The following ABR variants were observed in gnomAD, a reference collection of about 807,000 sequenced individuals.
ABR encodes ABR activator of RhoGEF and GTPase.
Under a neutral mutation model 107.2 loss-of-function variants are expected in ABR, and 35 were observed. That is an observed-to-expected ratio of 0.33 (90% CI 0.25 to 0.43). The LOEUF is 0.43. Among genes scored for constraint, ABR ranks in the 20% least tolerant of loss-of-function variants. The pLI, the probability that ABR is intolerant of heterozygous loss-of-function variation, is 1.00. For synonymous variants in ABR, 498 were observed against 462.0 expected (o/e 1.08, Z -1.00); for missense variants, 815 against 1,115.2 (o/e 0.73, Z 3.83).
At chr17:1,167,200 C>G (rs2041546974) in intron 1 of ABR, among the ~76,000 whole-genome samples, 1 of 151,946 alleles carries the variant, frequency 6.6e-6, no homozygotes, top group East Asian at 1.9e-4. Context: ...CTCCAGTATC[C>G]CCTTCTGATG....
At position 1,125,467 on chromosome 17, in the gene ABR, C is replaced by T. The variant is rs2039554013; in HGVS notation, c.62-100G>A. 7.0e-6 allele frequency: 10 copies of T among 1,422,166 alleles called. No individual in the cohort carries two copies. The East Asian group carries it at 2.3e-4, about 32-fold the overall frequency. The allele number at this position is 1,422,166 out of a possible 1,614,324, so 88.1% of individuals were successfully genotyped here. ...CGGCGGCGGCCCCCGGCAGCCATGG[C>T]CCCGGCCGCACCATCCACGCCTGGC... On this transcript the variant is annotated intron_variant, in intron 1 of 22. Transcript: ENST00000302538.
At chr17:1,130,372 C>G (rs1292105082) in intron 1 of ABR, among the ~76,000 whole-genome samples, 1 of 151,838 alleles carries the variant, frequency 6.6e-6, no homozygotes, top group Admixed American at 6.6e-5. Context: ...TGTGAGGCAT[C>G]CCCGCTCCTC....
intron 1 of ABR, among the ~76,000 whole-genome samples, chr17:1,221,705 G>A (rs1006313238): frequency 2.0e-5 from 3 of 152,136 alleles, no homozygotes; most frequent in African/African-American, 7.2e-5. Context: ...GAAAGGGCAC[G>A]GGAAAAGACG....
intron 1 of ABR, among the ~76,000 whole-genome samples, chr17:1,227,282 G>A (rs1350983171): frequency 6.6e-6 from 1 of 152,168 alleles, no homozygotes; most frequent in Non-Finnish European, 1.5e-5. Context: ...TGGGCACCCC[G>A]GGGAGGGTGA....
chr17:1,216,222 A>G (rs2043006460), intron 1 of ABR, among the ~76,000 whole-genome samples: 1 of 152,136 alleles, frequency 6.6e-6, no homozygotes, highest in African/African-American at 2.4e-5. Context: ...AGAACTTACT[A>G]TGTGCCAGGC....
At chr17:1,174,602 G>A (rs191875426) in intron 1 of ABR, among the ~76,000 whole-genome samples, 94 of 152,326 alleles carry the variant, frequency 6.2e-4, no homozygotes, top group Admixed American at 1.2e-3. Flanking sequence ...GAATGAAATC[G>A]CCCTTGGAAA....
intron 16 of ABR, among the ~76,000 whole-genome samples, chr17:1,044,667 C>T (rs1352255295): frequency 6.6e-6 from 1 of 151,514 alleles, no homozygotes; most frequent in Non-Finnish European, 1.5e-5. Context: ...AAAAAAAATA[C>T]CTCTTCCGGC....
rs2036406071 is a variant in ABR at position 1,083,602 on chromosome 17, G to A, written c.557C>T (p.Ala186Val). 2.5e-6 allele frequency: 4 copies of A among 1,613,802 alleles called. No individual in the cohort carries two copies. Among genetic ancestry groups the A allele is most frequent in the African/African-American group, 1.3e-5 (1 of 74,862 alleles). ...AGCGACTTTATAGTTATCGACAAACGCTTTGTACACACCGAGCTGGCTGGC... is the reference window on the plus strand; with the variant it reads ...AGCGACTTTATAGTTATCGACAAACACTTTGTACACACCGAGCTGGCTGGC... ...KLASQLGVYK[A>V]FVDNYKVALE... Residue 186 changes from alanine to valine, a missense_variant, in exon 5 of 23, where the codon GCG becomes GTG. Coordinates refer to ENST00000302538, the MANE Select transcript of ABR (RefSeq NM_021962.5).
chr17:1,034,716 C>T (rs2073039073), intron 16 of ABR, among the ~76,000 whole-genome samples: 1 of 152,136 alleles, frequency 6.6e-6, no homozygotes. Flanking sequence ...ATTATAACTG[C>T]TCTCCACGTT....
Position 1,010,126 on chromosome 17 carries a change from C to T in ABR, c.2237-342G>A. ...AAGGTTAAGCCAGTAGGGACATATCCTGCCAGCGGTGGATTCTCTTTCTCC... is the reference window on the plus strand; with the variant it reads ...AAGGTTAAGCCAGTAGGGACATATCTTGCCAGCGGTGGATTCTCTTTCTCC... On this transcript the variant is annotated intron_variant, in intron 20 of 22. Transcript: ENST00000302538. This position sits in a 1 kb window ranked among gnomAD's most constrained non-coding sequence, Gnocchi z 4.1. 1 of 339,780 alleles carries T rather than the reference C, an allele frequency of 2.9e-6. No individual in the cohort carries two copies. The highest frequency in any genetic ancestry group is 4.1e-5 in the Admixed American group (1 of 24,376). The allele number at this position is 339,780 out of a possible 1,614,324, so 21.0% of individuals were successfully genotyped here.
chr17:1,104,408 T>G (rs573978067), intron 2 of ABR, among the ~76,000 whole-genome samples: 2 of 152,188 alleles, frequency 1.3e-5, no homozygotes, highest in African/African-American at 4.8e-5. Context: ...ACACAATCTC[T>G]CCAGTAGCAC....
At chr17:1,042,419 T>C (rs2030727839) in intron 16 of ABR, among the ~76,000 whole-genome samples, 1 of 131,082 alleles carries the variant, frequency 7.6e-6, no homozygotes, top group African/African-American at 3.0e-5. Context: ...TAAATAGACA[T>C]GGCAGCTACA....
In ABR at chr17:1,086,172, T is replaced by C. The variant is rs1307242474; in HGVS notation, c.532-2545A>G. 2.6e-5 allele frequency among the ~76,000 whole-genome samples: 4 copies of C among 152,056 alleles called. No homozygotes were observed. In the East Asian group the frequency reaches 7.7e-4, roughly 29 times the overall value. On this transcript the variant is annotated intron_variant, in intron 4 of 22. Transcript: ENST00000302538. ...AAAAAAACAAAAAAAAGGTGGGTATTAGAAAATGTGAAATGATGTACGTGG... is the reference window on the plus strand; with the variant it reads ...AAAAAAACAAAAAAAAGGTGGGTATCAGAAAATGTGAAATGATGTACGTGG...
upstream of ABR, among the ~76,000 whole-genome samples, chr17:1,183,627 G>T (rs2042203149): frequency 3.9e-5 from 6 of 152,058 alleles, no homozygotes; most frequent in Admixed American, 3.9e-4. Context: ...CCAAAACTGG[G>T]TATCTCCACA....
At chr17:1,099,083 A>C (rs1373019364) in intron 3 of ABR, among the ~76,000 whole-genome samples, 1 of 145,086 alleles carries the variant, frequency 6.9e-6, no homozygotes, top group African/African-American at 2.6e-5. Context: ...CACTGCACCC[A>C]GCCTTTTTTT....
intron 16 of ABR, among the ~76,000 whole-genome samples, chr17:1,024,549 G>A (rs62068331): frequency 0.095 from 14,404 of 152,238 alleles, 706 homozygotes; most frequent in Middle Eastern, 0.19. Context: ...ACTGTGGGAG[G>A]CGGAGGCAGG....
At chr17:1,103,937 A>G (rs529285212) in intron 2 of ABR, among the ~76,000 whole-genome samples, 7 of 152,250 alleles carry the variant, frequency 4.6e-5, no homozygotes, top group Admixed American at 2.0e-4. Context: ...GGAAATTCAC[A>G]TTGTTTCTTC....
intron 3 of ABR, among the ~76,000 whole-genome samples, chr17:1,097,447 TGGGCGTG>T: frequency 6.6e-6 from 1 of 151,874 alleles, no homozygotes. Flanking sequence ...AAAAATTAGC[TGGGCGTG>T]GTGGTGGGTG....
chr17:1,099,635 T>A (rs1322435684), intron 3 of ABR, among the ~76,000 whole-genome samples: 1 of 152,196 alleles, frequency 6.6e-6, no homozygotes, highest in Non-Finnish European at 1.5e-5. Context: ...CTGCATAACA[T>A]CCAGACACAT....
Sources: allele counts gnomAD v4.1 joint callset (sites outside exome capture counted in the v4.1 genomes callset), GRCh38; gene constraint gnomAD v4.1.1; non-coding constraint Gnocchi (gnomAD v3.1); transcripts MANE v1.5; gene names NCBI Gene and HGNC (gene_info 2026-07-23, HGNC 2026-07-21).